LRRC18: variants seen among roughly 807,000 people sequenced by gnomAD.
LRRC18 encodes the protein leucine rich repeat containing 18.
A neutral mutation model predicts 11.2 loss-of-function variants in LRRC18; 12 were observed. The observed-to-expected ratio is 1.07, with a 90% confidence interval of 0.69 to 1.74. The LOEUF (loss-of-function observed/expected upper bound fraction) is 1.74, where lower values mean the gene tolerates loss of function less well. LRRC18 is among the 40% of genes most tolerant of loss of function. LRRC18 has a pLI of 0.00. For missense variants in LRRC18, 374 were observed against 330.5 expected, an observed-to-expected ratio of 1.13 and a Z score of -1.02; for synonymous variants, 155 against 130.6, an observed-to-expected ratio of 1.19 and a Z score of -1.27.
At chr10:48,932,433 G>A in the LRRC18 span, 3 of 152,152 alleles carry the variant, frequency 2.0e-5, no homozygotes, top group Non-Finnish European at 4.4e-5. Context: ...AGTGATTGCA[G>A]AAAAAGAGAT....
At chr10:48,923,906 T>G in the LRRC18 span, among the ~76,000 whole-genome samples, 2 of 152,148 alleles carry the variant, frequency 1.3e-5, no homozygotes, top group African/African-American at 4.8e-5. Context: ...TTCCAGCAAA[T>G]GGGACATCCA....
the LRRC18 span, among the ~76,000 whole-genome samples, chr10:48,923,506 A>ATGTATGTATGTATG: frequency 8.7e-6 from 1 of 115,116 alleles, no homozygotes; most frequent in East Asian, 2.7e-4. Flanking sequence ...GTATATATAT[A>ATGTATGTATGTATG]TATATATGTC....
chr10:48,925,384 G>A, the LRRC18 span, among the ~76,000 whole-genome samples: 1 of 152,132 alleles, frequency 6.6e-6, no homozygotes, highest in African/African-American at 2.4e-5. Flanking sequence ...GGTGTGTTGG[G>A]AACCTCTGGG....
chr10:48,918,284 T>C (rs1838734476), upstream of LRRC18, among the ~76,000 whole-genome samples: 1 of 152,130 alleles, frequency 6.6e-6, no homozygotes, highest in Non-Finnish European at 1.5e-5. Flanking sequence ...AAAGACACAA[T>C]TATCAGGATA....
At chr10:48,909,957 G>A (rs1367460299) in exon 2 of LRRC18, 2 of 458,422 alleles carry the variant, frequency 4.4e-6, no homozygotes, top group Non-Finnish European at 7.8e-6. Context: ...ATATTTAGTT[G>A]TCTATAATAT....
chr10:48,911,198 T>G (rs1264694682), intron 1 of LRRC18, among the ~76,000 whole-genome samples: 2 of 152,178 alleles, frequency 1.3e-5, no homozygotes, highest in African/African-American at 4.8e-5. Flanking sequence ...TCAGACACGG[T>G]CACTCCCCTC....
chr10:48,939,116 C>T, the LRRC18 span, among the ~76,000 whole-genome samples: 1 of 152,280 alleles, frequency 6.6e-6, no homozygotes, highest in South Asian at 2.1e-4. Flanking sequence ...AGCAGGTGCC[C>T]AGGTTCCCAG....
chr10:48,923,496 G>GTATTTATATATATATATATA, the LRRC18 span, among the ~76,000 whole-genome samples: 2 of 63,214 alleles, frequency 3.2e-5, no homozygotes, highest in Non-Finnish European at 8.5e-5. Flanking sequence ...ATAGTTTTTA[G>GTATTTATATATATATATATA]TATATATATA....
At chr10:48,931,323 T>A in the LRRC18 span, among the ~76,000 whole-genome samples, 2 of 152,182 alleles carry the variant, frequency 1.3e-5, no homozygotes, top group Non-Finnish European at 2.9e-5. Context: ...ATCTGTGAGC[T>A]CTTTATGCTG....
At chr10:48,915,130 C>T (rs115446469), upstream of LRRC18, among the ~76,000 whole-genome samples, 731 of 152,298 alleles carry the variant, frequency 4.8e-3, 1 homozygote, top group Admixed American at 0.011. Flanking sequence ...TTTGTGAAAA[C>T]AGACACCCTT....
At chr10:48,924,973 A>T in the LRRC18 span, among the ~76,000 whole-genome samples, 1 of 152,230 alleles carries the variant, frequency 6.6e-6, no homozygotes, top group Non-Finnish European at 1.5e-5. Flanking sequence ...ATCCATTGAG[A>T]TACAGGATAG....
At chr10:48,918,924 G>C (rs1479308745), upstream of LRRC18, among the ~76,000 whole-genome samples, 1 of 152,160 alleles carries the variant, frequency 6.6e-6, no homozygotes, top group African/African-American at 2.4e-5. Flanking sequence ...AAATTGCCTG[G>C]AGATGAGAAC....
chr10:48,928,613 G>A, the LRRC18 span, among the ~76,000 whole-genome samples: 2 of 152,156 alleles, frequency 1.3e-5, no homozygotes, highest in African/African-American at 2.4e-5. Flanking sequence ...AGCTGCACAG[G>A]CCCCCTCGTA....
the LRRC18 span, among the ~76,000 whole-genome samples, chr10:48,926,023 T>A: frequency 1.3e-5 from 2 of 152,144 alleles, no homozygotes; most frequent in African/African-American, 4.8e-5. Flanking sequence ...CAAACCTCAA[T>A]GTGTCTGATA....
At chr10:48,918,957 A>G (rs1838801625), upstream of LRRC18, among the ~76,000 whole-genome samples, 2 of 152,306 alleles carry the variant, frequency 1.3e-5, no homozygotes, top group Non-Finnish European at 2.9e-5. Context: ...ATAACTCACT[A>G]TTACCACTGA....
At chr10:48,939,629 A>G in the LRRC18 span, among the ~76,000 whole-genome samples, 1 of 152,250 alleles carries the variant, frequency 6.6e-6, no homozygotes, top group African/African-American at 2.4e-5. Context: ...TTTTAAAGAA[A>G]TACTTTCAAC....
exon 1 of LRRC18, chr10:48,913,590 A>G (rs573021438): frequency 1.9e-6 from 3 of 1,614,044 alleles, no homozygotes; most frequent in East Asian, 2.2e-5. Context: ...GATGGAGTCT[A>G]TGAATATTTC....
the LRRC18 span, among the ~76,000 whole-genome samples, chr10:48,925,983 C>G: frequency 1.3e-5 from 2 of 152,140 alleles, no homozygotes; most frequent in African/African-American, 2.4e-5. Flanking sequence ...TCCCCAAAGT[C>G]ACACAGGCAG....
the LRRC18 span, among the ~76,000 whole-genome samples, chr10:48,922,243 A>G: frequency 6.6e-6 from 1 of 152,212 alleles, no homozygotes. Flanking sequence ...ATCTCAGGCC[A>G]TCCTGCTACA....
Sources: allele counts gnomAD v4.1 joint callset (sites outside exome capture counted in the v4.1 genomes callset), GRCh38; gene constraint gnomAD v4.1.1; transcripts MANE v1.5; gene names NCBI Gene and HGNC (gene_info 2026-07-23, HGNC 2026-07-21).